PDGFD: variants seen among roughly 807,000 people sequenced by gnomAD.
PDGFD encodes the protein platelet derived growth factor D.
In PDGFD, 30 loss-of-function variants were observed where a neutral mutation model predicts 44.7. The observed-to-expected ratio is 0.67, with a 90% CI of 0.50 to 0.91. The LOEUF (loss-of-function observed/expected upper bound fraction) is 0.91, where lower values mean the gene tolerates loss of function less well. PDGFD is among the 40% of genes least tolerant of loss of function. The pLI, the probability that PDGFD is intolerant of heterozygous loss-of-function variation, is 0.00. For synonymous variants in PDGFD, 173 were observed against 168.4 expected (o/e 1.03, Z -0.21); for missense variants, 445 against 457.8 (o/e 0.97, Z 0.25).
At chr11:104,119,975 G>T (rs1314324347) in intron 1 of PDGFD, among the ~76,000 whole-genome samples, 5 of 135,314 alleles carry the variant, frequency 3.7e-5, no homozygotes, top group Non-Finnish European at 6.2e-5. Flanking sequence ...ATATTACATA[G>T]TATCATAATT....
chr11:103,971,745 A>G (rs1859105731), intron 3 of PDGFD, among the ~76,000 whole-genome samples: 1 of 152,234 alleles, frequency 6.6e-6, no homozygotes. Context: ...GAACTTAATA[A>G]GTTCTCCCAC....
intron 3 of PDGFD, among the ~76,000 whole-genome samples, chr11:103,963,145 T>C (rs1858964602): frequency 1.3e-5 from 2 of 152,176 alleles, no homozygotes; most frequent in Admixed American, 6.5e-5. Context: ...GCCTGTCACA[T>C]AGAAAGTCCT....
At chr11:104,149,188 TC>T in intron 1 of PDGFD, among the ~76,000 whole-genome samples, 1 of 152,256 alleles carries the variant, frequency 6.6e-6, no homozygotes, top group East Asian at 1.9e-4. Context: ...AAATACCTCA[TC>T]TAGGTACAGT....
chr11:104,094,909 C>T (rs374071513), intron 1 of PDGFD, among the ~76,000 whole-genome samples: 2 of 152,084 alleles, frequency 1.3e-5, no homozygotes, highest in Admixed American at 6.6e-5. Flanking sequence ...AAAATGCCCA[C>T]AAAACTTTGC....
In PDGFD at chr11:103,908,139, T is replaced by C. The variant is rs1295072453; in HGVS notation, c.*1555A>G. The C allele has an allele frequency of 6.6e-6, 1 of 152,212 alleles. No individual in the cohort carries two copies. Among genetic ancestry groups the C allele is most frequent in the Non-Finnish European group, 1.5e-5 (1 of 68,038 alleles). 9.4% of individuals were successfully genotyped at this position (152,212 alleles called of 1,614,324 possible). The stretch of plus-strand genomic sequence containing the variant: ...GGACCACAAAGTCACTGAAGAAATC[T>C]GCTTTCCTTTTAACTTTCAAGGCAA... On this transcript the variant is annotated 3_prime_UTR_variant, in exon 7 of 7. Coordinates refer to ENST00000393158, the MANE Select transcript of PDGFD (RefSeq NM_025208.5).
At chr11:104,120,871 G>A (rs1861769889) in intron 1 of PDGFD, among the ~76,000 whole-genome samples, 1 of 151,782 alleles carries the variant, frequency 6.6e-6, no homozygotes. Context: ...TACTCCCAAA[G>A]TAGATCAGAA....
At chr11:103,963,759 C>T (rs182026516) in intron 3 of PDGFD, among the ~76,000 whole-genome samples, 5 of 152,200 alleles carry the variant, frequency 3.3e-5, no homozygotes, top group Admixed American at 2.6e-4. Flanking sequence ...GAGGACAAGA[C>T]CTTTCTTTAG....
intron 1 of PDGFD, among the ~76,000 whole-genome samples, chr11:104,042,888 T>C (rs1860379914): frequency 6.6e-6 from 1 of 152,222 alleles, no homozygotes; most frequent in East Asian, 1.9e-4. Flanking sequence ...ATTCACATAT[T>C]CTGCCTTTCA....
intron 1 of PDGFD, among the ~76,000 whole-genome samples, chr11:104,056,744 A>G (rs1289837390): frequency 2.0e-5 from 3 of 152,214 alleles, no homozygotes; most frequent in Non-Finnish European, 4.4e-5. Context: ...TTAATAAAAC[A>G]TTTAAAGCAA....
chr11:103,941,177 C>T (rs1445452476), intron 5 of PDGFD, among the ~76,000 whole-genome samples: 1 of 152,012 alleles, frequency 6.6e-6, no homozygotes, highest in African/African-American at 2.4e-5. Flanking sequence ...CCCAGTCTCA[C>T]CCCATTGAGA....
intron 1 of PDGFD, among the ~76,000 whole-genome samples, chr11:104,155,576 C>T (rs1189300864): frequency 6.6e-6 from 1 of 152,172 alleles, no homozygotes; most frequent in Non-Finnish European, 1.5e-5. Flanking sequence ...ATGAGAACCA[C>T]ATAAACCAGG....
intron 3 of PDGFD, among the ~76,000 whole-genome samples, chr11:103,950,869 A>T (rs1858746347): frequency 6.6e-6 from 1 of 152,194 alleles, no homozygotes; most frequent in African/African-American, 2.4e-5. Context: ...AGCCTTAGTT[A>T]TTTAGATTTC....
intron 1 of PDGFD, among the ~76,000 whole-genome samples, chr11:104,051,838 T>C (rs1403582956): frequency 6.6e-6 from 1 of 152,140 alleles, no homozygotes; most frequent in African/African-American, 2.4e-5. Context: ...AAAAAAATTA[T>C]GGTACAATTT....
chr11:104,117,365 C>T (rs1861657770), intron 1 of PDGFD, among the ~76,000 whole-genome samples: 2 of 151,880 alleles, frequency 1.3e-5, no homozygotes, highest in Non-Finnish European at 2.9e-5. Context: ...CAACATAGTA[C>T]TGGAAGTCCT....
chr11:103,944,377 G>A (rs1398099521), intron 4 of PDGFD, among the ~76,000 whole-genome samples: 1 of 152,068 alleles, frequency 6.6e-6, no homozygotes, highest in East Asian at 1.9e-4. Context: ...TATGTATTTT[G>A]CCATGGAATA....
chr11:104,063,970 A>T (rs1400700437), intron 1 of PDGFD, among the ~76,000 whole-genome samples: 1 of 152,182 alleles, frequency 6.6e-6, no homozygotes. Context: ...AAACAGAAGT[A>T]ACTCGTTCAG....
At chr11:103,977,243 A>C (rs1353766457) in intron 3 of PDGFD, among the ~76,000 whole-genome samples, 1 of 152,156 alleles carries the variant, frequency 6.6e-6, no homozygotes, top group African/African-American at 2.4e-5. Flanking sequence ...ATGGATTCAC[A>C]GTAAAATTCT....
intron 1 of PDGFD, among the ~76,000 whole-genome samples, chr11:104,008,258 C>T (rs1292122044): frequency 6.6e-6 from 1 of 152,080 alleles, no homozygotes; most frequent in Non-Finnish European, 1.5e-5. Context: ...ACAGAAATAC[C>T]AGTGGTTGGA....
chr11:104,036,504 T>C (rs1860235492), intron 1 of PDGFD: 2 of 375,416 alleles, frequency 5.3e-6, no homozygotes. Context: ...TTTGAAGGGC[T>C]GGCCTTGAAA....
Sources: gnomAD v4.1 joint callset for allele counts (sites outside exome capture counted in the v4.1 genomes callset) on GRCh38, gnomAD v4.1.1 for gene constraint, MANE v1.5 for transcripts, NCBI Gene and HGNC (gene_info 2026-07-23, HGNC 2026-07-21) for gene names.